C1QTNF7: variants seen among roughly 807,000 people sequenced by gnomAD.
C1QTNF7 encodes complement C1q tumor necrosis factor-related protein 7.
A neutral mutation model predicts 19.6 loss-of-function variants in C1QTNF7; 15 were observed. That is an observed-to-expected ratio of 0.76 (90% CI 0.51 to 1.18). The LOEUF is 1.18. Among genes scored for constraint, C1QTNF7 ranks in the 50% most tolerant of loss-of-function variants. The pLI is 0.00. For missense variants in C1QTNF7, 324 were observed against 359.7 expected (o/e 0.90, Z 0.80); for synonymous variants, 142 against 137.5 (o/e 1.03, Z -0.23).
chr4:15,431,893 T>C (rs182797625), intron 1 of C1QTNF7, among the ~76,000 whole-genome samples: 40 of 152,062 alleles, frequency 2.6e-4, no homozygotes, highest in African/African-American at 9.4e-4. Flanking sequence ...CAATAAAGAA[T>C]AGAAAAAATG....
At chr4:15,340,027 T>C (rs1030782907) in exon 1 of C1QTNF7, 3 of 828,570 alleles carry the variant, frequency 3.6e-6, no homozygotes, top group South Asian at 3.0e-5. Flanking sequence ...CGCATTCTCA[T>C]GCTCAGACGA....
chr4:15,355,242 A>G (rs1320285697), intron 1 of C1QTNF7, among the ~76,000 whole-genome samples: 1 of 152,162 alleles, frequency 6.6e-6, no homozygotes, highest in Non-Finnish European at 1.5e-5. Context: ...GGAGATGCAA[A>G]TGAATGCTGT....
chr4:15,406,247 T>C (rs576057784), intron 1 of C1QTNF7, among the ~76,000 whole-genome samples: 4 of 152,312 alleles, frequency 2.6e-5, no homozygotes, highest in African/African-American at 9.6e-5. Context: ...ACTTTGCACC[T>C]AATACATATT....
At chr4:15,426,558 T>C (rs1024760), upstream of C1QTNF7, among the ~76,000 whole-genome samples, 130,623 of 152,228 alleles carry the variant, frequency 0.86, 56,194 homozygotes, top group East Asian at 0.98. Context: ...TTATTTTATG[T>C]GGTAAGTAAC....
intron 1 of C1QTNF7, among the ~76,000 whole-genome samples, chr4:15,370,551 G>T (rs1267725528): frequency 1.3e-5 from 2 of 152,104 alleles, no homozygotes; most frequent in African/African-American, 4.8e-5. Context: ...GAGTGGAAAG[G>T]GCCAGGGATG....
At chr4:15,408,426 T>C (rs1719279430) in intron 1 of C1QTNF7, among the ~76,000 whole-genome samples, 1 of 152,100 alleles carries the variant, frequency 6.6e-6, no homozygotes, top group Admixed American at 6.5e-5. Flanking sequence ...TTAAGTCTTT[T>C]ACAACATTAA....
chr4:15,437,556 T>C (rs1458756479), intron 2 of C1QTNF7, among the ~76,000 whole-genome samples: 1 of 152,216 alleles, frequency 6.6e-6, no homozygotes, highest in Non-Finnish European at 1.5e-5. Context: ...TAAAGACATA[T>C]ATGTGGATAT....
At chr4:15,399,687 A>T (rs1236225768) in intron 1 of C1QTNF7, among the ~76,000 whole-genome samples, 2 of 152,196 alleles carry the variant, frequency 1.3e-5, no homozygotes, top group Non-Finnish European at 2.9e-5. Context: ...CTGTTAGCTT[A>T]ATTTGACTAT....
intron 1 of C1QTNF7, among the ~76,000 whole-genome samples, chr4:15,382,388 T>C (rs1718179162): frequency 6.9e-6 from 1 of 144,626 alleles, no homozygotes. Context: ...AAAACTCATT[T>C]CTGCAAGATG....
At chr4:15,408,324 T>G (rs1011938710) in intron 1 of C1QTNF7, among the ~76,000 whole-genome samples, 1 of 150,986 alleles carries the variant, frequency 6.6e-6, no homozygotes, top group Non-Finnish European at 1.5e-5. Flanking sequence ...CAGATAAGTA[T>G]GTATATATAT....
chr4:15,444,980 G>A lies in C1QTNF7; in HGVS notation c.*2181G>A, dbSNP rs1712938763. On this transcript the variant is annotated 3_prime_UTR_variant, in exon 3 of 3. Coordinates refer to ENST00000444304, the MANE Select transcript of C1QTNF7 (RefSeq NM_031911.5). ...GCTGGATACTGCCATTACCACAGAT[G>A]AAAGTTGCAATGATCTAGCAGTTGT... The A allele has an allele frequency of 6.6e-6, 1 of 152,368 alleles. No homozygotes were observed. Among genetic ancestry groups the A allele is most frequent in the South Asian group, 2.1e-4 (1 of 4,832 alleles). 9.4% of individuals were successfully genotyped at this position (152,368 alleles called of 1,614,324 possible).
chr4:15,341,224 G>A (rs1250225420), intron 1 of C1QTNF7, among the ~76,000 whole-genome samples: 1 of 152,198 alleles, frequency 6.6e-6, no homozygotes, highest in African/African-American at 2.4e-5. Flanking sequence ...CGACATTTAG[G>A]TGACCTCAGG....
chr4:15,339,869 T>G, upstream of C1QTNF7: 1 of 453,398 alleles, frequency 2.2e-6, no homozygotes, highest in South Asian at 2.3e-5. Flanking sequence ...TATATTAAGC[T>G]CTTTGAAATG....
At chr4:15,434,353 C>T (rs1712443508) in intron 1 of C1QTNF7, among the ~76,000 whole-genome samples, 1 of 152,086 alleles carries the variant, frequency 6.6e-6, no homozygotes. Flanking sequence ...GGTCTAATTC[C>T]AAGATGTTGC....
intron 1 of C1QTNF7, among the ~76,000 whole-genome samples, chr4:15,388,577 T>C (rs1350007627): frequency 1.3e-5 from 2 of 152,040 alleles, no homozygotes; most frequent in African/African-American, 4.8e-5. Context: ...GGCAGGACAG[T>C]GGGGAGCTTG....
At chr4:15,399,598 C>T (rs1472883269) in intron 1 of C1QTNF7, among the ~76,000 whole-genome samples, 1 of 152,150 alleles carries the variant, frequency 6.6e-6, no homozygotes, top group Middle Eastern at 3.2e-3. Flanking sequence ...AGACTTAGCC[C>T]AATGTTTGAA....
chr4:15,386,096 C>T (rs911980207), intron 1 of C1QTNF7, among the ~76,000 whole-genome samples: 54 of 152,330 alleles, frequency 3.5e-4, no homozygotes, highest in African/African-American at 1.2e-3. Context: ...ACCTGCCTCT[C>T]CTGGCAGAGT....
chr4:15,375,339 T>C (rs555516309), intron 1 of C1QTNF7, among the ~76,000 whole-genome samples: 1 of 152,326 alleles, frequency 6.6e-6, no homozygotes, highest in African/African-American at 2.4e-5. Flanking sequence ...ATTTTATTAT[T>C]AAACGAATGT....
intron 1 of C1QTNF7, among the ~76,000 whole-genome samples, chr4:15,367,662 C>T (rs1717575233): frequency 6.6e-6 from 1 of 152,018 alleles, no homozygotes; most frequent in South Asian, 2.1e-4. Context: ...ACCACATGGC[C>T]CTTATCTTGG....
Sources: gnomAD v4.1 joint callset for allele counts (sites outside exome capture counted in the v4.1 genomes callset) on GRCh38, gnomAD v4.1.1 for gene constraint, MANE v1.5 for transcripts, NCBI Gene and HGNC (gene_info 2026-07-23, HGNC 2026-07-21) for gene names.